The following CPLANE1 variants were observed in gnomAD, a reference collection of about 807,000 sequenced individuals.
CPLANE1 encodes ciliogenesis and planar polarity effector complex subunit 1, also known as ciliogenesis and planar polarity effector 1.
In CPLANE1, 263 loss-of-function variants were observed where a neutral mutation model predicts 362.5. That is an observed-to-expected ratio of 0.73 (90% CI 0.66 to 0.80). The LOEUF (loss-of-function observed/expected upper bound fraction) is 0.80, where lower values mean the gene tolerates loss of function less well. Among genes scored for constraint, CPLANE1 ranks in the 30% least tolerant of loss-of-function variants. The pLI is 0.00. For missense variants in CPLANE1, 3,461 were observed against 3,793.4 expected (o/e 0.91, Z 2.30); for synonymous variants, 1,212 against 1,302.6 (o/e 0.93, Z 1.50).
intron 9 of CPLANE1, among the ~76,000 whole-genome samples, chr5:37,228,457 C>T (rs1015626508): frequency 6.6e-6 from 1 of 151,808 alleles, no homozygotes; most frequent in Non-Finnish European, 1.5e-5. Flanking sequence ...TTTTATTAGC[C>T]AAATGGCAAC....
At chr5:37,235,708 G>A (rs1472422543) in intron 8 of CPLANE1, among the ~76,000 whole-genome samples, 1 of 151,286 alleles carries the variant, frequency 6.6e-6, no homozygotes, top group African/African-American at 2.4e-5. Context: ...GAGTAGCTGG[G>A]ATTACAGGGG....
chr5:37,223,839 G>T (rs1795869405), intron 14 of CPLANE1, among the ~76,000 whole-genome samples: 1 of 151,996 alleles, frequency 6.6e-6, no homozygotes, highest in Admixed American at 6.6e-5. Context: ...TGAGATACTT[G>T]CAGTCTCTCT....
At chr5:37,150,323 C>T (rs1456994550) in intron 42 of CPLANE1, among the ~76,000 whole-genome samples, 1 of 152,136 alleles carries the variant, frequency 6.6e-6, no homozygotes, top group East Asian at 1.9e-4. Context: ...TTCTTTTCTC[C>T]TCCATGTGCT....
intron 42 of CPLANE1, among the ~76,000 whole-genome samples, chr5:37,151,893 A>G (rs957740552): frequency 2.0e-5 from 3 of 152,144 alleles, no homozygotes; most frequent in Non-Finnish European, 4.4e-5. Context: ...TACCAAAAAA[A>G]AAAAGAGGAA....
chr5:37,195,344 C>T (rs535707083), intron 21 of CPLANE1, among the ~76,000 whole-genome samples: 43 of 152,030 alleles, frequency 2.8e-4, no homozygotes, highest in African/African-American at 9.4e-4. Context: ...CTCATGCCTG[C>T]AATCCCAACA....
chr5:37,128,830 G>C (rs1764957756), intron 46 of CPLANE1, among the ~76,000 whole-genome samples: 1 of 151,224 alleles, frequency 6.6e-6, no homozygotes. Context: ...CTGTACTCCA[G>C]CCTGGGCAAC....
At chr5:37,122,579 AAC>A in intron 47 of CPLANE1, 91 bp from the exon 48 acceptor site, 1 of 948,256 alleles carries the variant, frequency 1.1e-6, no homozygotes, top group Non-Finnish European at 1.6e-6. Context: ...AACAGTACAA[AAC>A]ACTGTCGTGT....
At chr5:37,088,861 TA>T in the CPLANE1 span, among the ~76,000 whole-genome samples, 6 of 152,212 alleles carry the variant, frequency 3.9e-5, no homozygotes, top group Middle Eastern at 6.8e-3. Context: ...GCCTATCTAG[TA>T]AAGGAATTAA....
At chr5:37,202,804 G>T (rs910618214) in intron 18 of CPLANE1, among the ~76,000 whole-genome samples, 5 of 151,968 alleles carry the variant, frequency 3.3e-5, no homozygotes, top group African/African-American at 1.2e-4. Flanking sequence ...CCAGCATTTG[G>T]TGTGGATATA....
At chr5:37,108,210 T>A in intron 52 of CPLANE1, 83 bp downstream of exon 52, 2 of 1,363,352 alleles carry the variant, frequency 1.5e-6, no homozygotes, top group South Asian at 1.3e-5. Context: ...AAAAACAAAC[T>A]AAAAAACAAA....
At chr5:37,226,161 A>T in intron 12 of CPLANE1, 143 bp downstream of exon 12, 1 of 557,268 alleles carries the variant, frequency 1.8e-6, no homozygotes. Flanking sequence ...TAATAGTTTC[A>T]CAACCTTATA....
Position 37,107,587 on chromosome 5 carries a change from A to T in CPLANE1, c.*15T>A, listed in dbSNP as rs1757872065. 6.3e-7 allele frequency: 1 copy of T among 1,595,498 alleles called. No individual in the cohort carries two copies. Among genetic ancestry groups the T allele is most frequent in the Non-Finnish European group, 8.6e-7 (1 of 1,168,790 alleles). On this transcript the variant is annotated 3_prime_UTR_variant, in exon 53 of 53. Coordinates refer to ENST00000651892, the MANE Select transcript of CPLANE1 (RefSeq NM_001384732.1). ...GGTGCTGGCCTGTGCATGGAAACCC[A>T]ATGATATCCAGGTCTTACAGGTCCA...
At chr5:37,236,657 G>A (rs1463350526) in intron 8 of CPLANE1, among the ~76,000 whole-genome samples, 3 of 150,774 alleles carry the variant, frequency 2.0e-5, no homozygotes, top group African/African-American at 7.3e-5. Flanking sequence ...GAAAATATTT[G>A]CACACTATGT....
chr5:37,159,723 G>C (rs908257169), intron 38 of CPLANE1, among the ~76,000 whole-genome samples: 1 of 152,084 alleles, frequency 6.6e-6, no homozygotes, highest in Non-Finnish European at 1.5e-5. Context: ...AGAAAAAAAA[G>C]GAAAATAAAA....
At position 37,183,638 on chromosome 5, in the gene CPLANE1, A is replaced by G; in HGVS notation, c.4543T>C (p.Cys1515Arg). Residue 1515 changes from cysteine to arginine, a missense_variant, in exon 26 of 53, where the codon TGT becomes CGT. Physicochemically the swap from Cys to Arg is radical, Grantham distance 180 (BLOSUM62 -3). Coordinates refer to ENST00000651892, the MANE Select transcript of CPLANE1 (RefSeq NM_001384732.1). ...IHKPTDKRKM[C>R]NQKENPTKKE... ...TTTGTAGGATTTTCTTTCTGATTAC[A>G]CATTTTCCTTTTATCAGTTGGCTTA... is the stretch of plus-strand genomic sequence containing the variant. 6.2e-7 allele frequency: 1 copy of G among 1,610,656 alleles called. No individual in the cohort carries two copies. Among genetic ancestry groups the G allele is most frequent in the Non-Finnish European group, 8.5e-7 (1 of 1,179,100 alleles).
At position 37,187,530 on chromosome 5, in the gene CPLANE1, G is replaced by A; in HGVS notation, c.3964C>T (p.Leu1322Phe). The A allele has an allele frequency of 6.2e-7, 1 of 1,612,064 alleles. No homozygotes were observed. The highest frequency in any genetic ancestry group is 8.5e-7 in the Non-Finnish European group (1 of 1,179,322). ...EFDSCMIEHC[L>F]SAVEWAYRML... ...CTATAAGCCCATTCCACTGCACTAA[G>A]ACAGTGCTCAATCATACAAGAATCA... is the stretch of plus-strand genomic sequence containing the variant. Residue 1322 changes from leucine to phenylalanine, a missense_variant, in exon 23 of 53, where the codon CTT (leucine) becomes TTT (phenylalanine). Coordinates refer to ENST00000651892, the MANE Select transcript of CPLANE1 (RefSeq NM_001384732.1).
rs1344518328 is a variant in CPLANE1, at chr5:37,227,079, A to T, written c.1522-6T>A. The T allele has an allele frequency of 6.5e-7, 1 of 1,534,612 alleles. No homozygotes were observed. The highest frequency in any genetic ancestry group is 2.5e-5 in the East Asian group (1 of 40,766). On this transcript the variant is annotated splice_region_variant and splice_polypyrimidine_tract_variant and intron_variant, in intron 11 of 52. Coordinates refer to ENST00000651892, the MANE Select transcript of CPLANE1 (RefSeq NM_001384732.1). ...GTTTCTTCTGCTTCAAAATCCTAAA[A>T]CATGAGGGGAAAAAAATGATACTTA...
Position 37,139,320 on chromosome 5 carries a change from T to A in CPLANE1, c.8663+20A>T, listed in dbSNP as rs1409119022. The A allele has an allele frequency of 7.3e-7, 1 of 1,363,128 alleles. No individual in the cohort carries two copies. 84.4% of individuals were successfully genotyped at this position (1,363,128 alleles called of 1,614,324 possible). ...ACCCAACTTTAAAGAAAATTGTGAA[T>A]TAACTCTTAAGATATTTACCTCTCA... On this transcript the variant is annotated intron_variant, in intron 45 of 52. Transcript: ENST00000651892.
At chr5:37,130,853 C>T (rs1343493710) in intron 46 of CPLANE1, among the ~76,000 whole-genome samples, 1 of 152,190 alleles carries the variant, frequency 6.6e-6, no homozygotes, top group African/African-American at 2.4e-5. Flanking sequence ...ATAAACAGAT[C>T]TTTCCTCCTA....
Sources: gnomAD v4.1 joint callset for allele counts (sites outside exome capture counted in the v4.1 genomes callset) on GRCh38, gnomAD v4.1.1 for gene constraint, MANE v1.5 for transcripts, NCBI Gene and HGNC (gene_info 2026-07-23, HGNC 2026-07-21) for gene names.